CAMKMT: variants seen among roughly 807,000 people sequenced by gnomAD.
CAMKMT encodes CaM KMT.
A neutral mutation model predicts 48.0 loss-of-function variants in CAMKMT; 53 were observed. The ratio of observed to expected loss-of-function variants is 1.10; its 90% CI spans 0.89 to 1.39. The LOEUF (loss-of-function observed/expected upper bound fraction) is 1.39, where lower values mean the gene tolerates loss of function less well. Ranked by LOEUF, CAMKMT falls within the 40% of genes most tolerant of loss-of-function variation. CAMKMT has a pLI of 0.00. For missense variants in CAMKMT, 428 were observed against 402.7 expected (o/e 1.06, Z -0.54); for synonymous variants, 165 against 152.3 (o/e 1.08, Z -0.61).
At chr2:44,740,938 G>C (rs1177187550) in intron 7 of CAMKMT, among the ~76,000 whole-genome samples, 4 of 152,206 alleles carry the variant, frequency 2.6e-5, no homozygotes, top group African/African-American at 9.7e-5. Flanking sequence ...GGAGGGGTTG[G>C]TCAGAGATTG....
chr2:44,503,704 A>C (rs1275724789), intron 3 of CAMKMT, among the ~76,000 whole-genome samples: 1 of 152,132 alleles, frequency 6.6e-6, no homozygotes, highest in Non-Finnish European at 1.5e-5. Context: ...CCAGTGTGAC[A>C]GAGTTGTAGT....
intron 7 of CAMKMT, among the ~76,000 whole-genome samples, chr2:44,742,546 T>A (rs1188498218): frequency 6.6e-6 from 1 of 152,046 alleles, no homozygotes; most frequent in East Asian, 1.9e-4. Flanking sequence ...CAGTGAGGAG[T>A]GGCTCAGTAG....
At chr2:44,567,628 C>T (rs907518507) in intron 3 of CAMKMT, among the ~76,000 whole-genome samples, 1 of 152,014 alleles carries the variant, frequency 6.6e-6, no homozygotes, top group Non-Finnish European at 1.5e-5. Flanking sequence ...AAGCAAAAGA[C>T]TGCTATTAGA....
intron 3 of CAMKMT, among the ~76,000 whole-genome samples, chr2:44,486,333 A>G (rs1392874186): frequency 6.6e-6 from 1 of 152,140 alleles, no homozygotes; most frequent in African/African-American, 2.4e-5. Flanking sequence ...CTGTATGTAC[A>G]TTGTACTTCA....
At chr2:44,559,006 T>C (rs1553414827) in intron 3 of CAMKMT, among the ~76,000 whole-genome samples, 1 of 151,092 alleles carries the variant, frequency 6.6e-6, no homozygotes, top group Non-Finnish European at 1.5e-5. Flanking sequence ...GATAGATAGA[T>C]AAACAGACAG....
intron 3 of CAMKMT, among the ~76,000 whole-genome samples, chr2:44,423,272 T>A (rs1340197976): frequency 1.3e-5 from 2 of 152,004 alleles, no homozygotes; most frequent in Non-Finnish European, 2.9e-5. Flanking sequence ...CTCTACCTCC[T>A]GGGTTCAAGT....
intron 7 of CAMKMT, among the ~76,000 whole-genome samples, chr2:44,719,641 A>G (rs577314373): frequency 1.3e-5 from 2 of 152,336 alleles, no homozygotes; most frequent in South Asian, 2.1e-4. Flanking sequence ...ACATGAATCC[A>G]TAAGGCTTAT....
intron 3 of CAMKMT, among the ~76,000 whole-genome samples, chr2:44,394,553 G>T (rs981142799): frequency 1.3e-5 from 2 of 151,762 alleles, no homozygotes; most frequent in Admixed American, 1.3e-4. Context: ...TCAGCCTCCC[G>T]AGTAGCTGGG....
chr2:44,627,397 G>C (rs992212517), intron 3 of CAMKMT, among the ~76,000 whole-genome samples: 3 of 152,014 alleles, frequency 2.0e-5, no homozygotes, highest in Non-Finnish European at 4.4e-5. Context: ...TGCTGGACTC[G>C]TAAAATACAC....
chr2:44,377,936 G>A (rs1219496344), intron 2 of CAMKMT, among the ~76,000 whole-genome samples: 1 of 152,000 alleles, frequency 6.6e-6, no homozygotes, highest in African/African-American at 2.4e-5. Context: ...TGATTAGATG[G>A]TTTGCTTATG....
intron 9 of CAMKMT, among the ~76,000 whole-genome samples, chr2:44,757,500 A>G (rs187014634): frequency 1.3e-5 from 2 of 152,002 alleles, no homozygotes; most frequent in East Asian, 3.9e-4. Flanking sequence ...TGTAATGCAC[A>G]TGATTGGCTC....
intron 3 of CAMKMT, among the ~76,000 whole-genome samples, chr2:44,591,666 G>A (rs1670285773): frequency 6.6e-6 from 1 of 151,626 alleles, no homozygotes; most frequent in Non-Finnish European, 1.5e-5. Flanking sequence ...GATTCCTCAG[G>A]GATCTAGAAC....
intron 3 of CAMKMT, among the ~76,000 whole-genome samples, chr2:44,518,586 C>T (rs1453855113): frequency 6.6e-6 from 1 of 152,154 alleles, no homozygotes; most frequent in Non-Finnish European, 1.5e-5. Context: ...ATACAAACCC[C>T]TAAATACCTA....
At position 44,446,179 on chromosome 2, in the gene CAMKMT, C is replaced by G. The variant is rs192126466; in HGVS notation, c.376+55874C>G. On this transcript the variant is annotated intron_variant, in intron 3 of 10. Coordinates refer to ENST00000378494, the MANE Select transcript of CAMKMT (RefSeq NM_024766.5). ...GCCAGGCTGGTCTCGAATTCTTGAC[C>G]TCAGGTGATCGGCTCACCTTGGCCT... 4.2e-3 allele frequency among the ~76,000 whole-genome samples: 635 copies of G among 152,006 alleles called. 2 individuals are homozygous for G. The highest frequency in any genetic ancestry group is 0.015 in the African/African-American group (607 of 41,458).
chr2:44,487,510 A>T, intron 3 of CAMKMT, among the ~76,000 whole-genome samples: 1 of 152,308 alleles, frequency 6.6e-6, no homozygotes, highest in East Asian at 1.9e-4. Context: ...GGTTTTTTTT[A>T]AATAAAGTTT....
intron 3 of CAMKMT, among the ~76,000 whole-genome samples, chr2:44,465,288 A>G (rs1270827773): frequency 6.6e-6 from 1 of 152,086 alleles, no homozygotes; most frequent in Non-Finnish European, 1.5e-5. Context: ...CAGAATAAAA[A>G]CACATCACTA....
At chr2:44,553,421 C>T (rs903679160) in intron 3 of CAMKMT, among the ~76,000 whole-genome samples, 13 of 150,540 alleles carry the variant, frequency 8.6e-5, no homozygotes, top group African/African-American at 2.7e-4. Flanking sequence ...AGTGCAGTAG[C>T]GCAATCTTGG....
chr2:44,490,571 A>T (rs1669446507), intron 3 of CAMKMT, among the ~76,000 whole-genome samples: 1 of 152,124 alleles, frequency 6.6e-6, no homozygotes, highest in Non-Finnish European at 1.5e-5. Context: ...CACTGCACCC[A>T]GCCTTATCGT....
intron 3 of CAMKMT, among the ~76,000 whole-genome samples, chr2:44,624,599 T>C (rs1314261327): frequency 6.6e-6 from 1 of 152,174 alleles, no homozygotes; most frequent in Non-Finnish European, 1.5e-5. Context: ...GTCCTTGCAG[T>C]AGTTTGCTGA....
Sources: gnomAD v4.1 joint callset for allele counts (sites outside exome capture counted in the v4.1 genomes callset) on GRCh38, gnomAD v4.1.1 for gene constraint, MANE v1.5 for transcripts, NCBI Gene and HGNC (gene_info 2026-07-23, HGNC 2026-07-21) for gene names.